The following RBFOX2 variants were observed in gnomAD, a reference collection of about 807,000 sequenced individuals.
The protein encoded by RBFOX2 is RNA binding protein fox-1 homolog 2.
A neutral mutation model predicts 49.1 loss-of-function variants in RBFOX2; 10 were observed. The ratio of observed to expected loss-of-function variants is 0.20; its 90% CI spans 0.13 to 0.35. The LOEUF is 0.35. Ranked by LOEUF, RBFOX2 falls within the 10% of genes least tolerant of loss-of-function variation. The pLI, the probability that RBFOX2 is intolerant of heterozygous loss-of-function variation, is 1.00. For synonymous variants in RBFOX2, 183 were observed against 187.4 expected, an observed-to-expected ratio of 0.98 and a Z score of 0.19; for missense variants, 323 against 486.9, an observed-to-expected ratio of 0.66 and a Z score of 3.17.
chr22:36,003,983 G>A (rs1030121675), intron 1 of RBFOX2, among the ~76,000 whole-genome samples: 63 of 152,116 alleles, frequency 4.1e-4, no homozygotes, highest in African/African-American at 1.5e-3. Context: ...GTGCACTTTA[G>A]GATGTTAAAG....
intron 1 of RBFOX2, among the ~76,000 whole-genome samples, chr22:35,906,213 G>C (rs1368117546): frequency 6.6e-6 from 1 of 152,136 alleles, no homozygotes; most frequent in Non-Finnish European, 1.5e-5. Context: ...AAGATCAAAG[G>C]AGGAATTATA....
intron 2 of RBFOX2, among the ~76,000 whole-genome samples, chr22:35,809,422 T>C (rs189106479): frequency 7.2e-5 from 11 of 152,158 alleles, no homozygotes; most frequent in Admixed American, 6.5e-4. Context: ...AGAATATTCC[T>C]AGGTTTTGCT....
chr22:35,752,175 G>A (rs1935196327), intron 9 of RBFOX2, among the ~76,000 whole-genome samples: 1 of 152,162 alleles, frequency 6.6e-6, no homozygotes, highest in African/African-American at 2.4e-5. Flanking sequence ...TCTCACTACA[G>A]GGCCCAATGT....
intron 2 of RBFOX2, among the ~76,000 whole-genome samples, chr22:35,787,432 C>A (rs1946646537): frequency 6.6e-6 from 1 of 152,108 alleles, no homozygotes; most frequent in Non-Finnish European, 1.5e-5. Flanking sequence ...GGGATGCTGA[C>A]ATTTAATTAG....
intron 1 of RBFOX2, among the ~76,000 whole-genome samples, chr22:35,976,615 C>T (rs906387858): frequency 1.3e-5 from 2 of 152,128 alleles, no homozygotes; most frequent in Middle Eastern, 3.4e-3. Context: ...AAATGTGTAT[C>T]GGAAAAAGGA....
rs567688413 is a variant in RBFOX2, at chr22:35,809,897, T to C, written c.135A>G (p.Pro45=). 210 of 1,614,026 alleles carry C rather than the reference T, an allele frequency of 1.3e-4. 2 individuals are homozygous for C. In the South Asian group the frequency reaches 2.2e-3, roughly 17 times the overall value. Residue 45 remains proline, a synonymous_variant, in exon 2 of 12, where the codon CCA becomes CCG. Coordinates refer to ENST00000405409, the Ensembl canonical transcript of RBFOX2. ...TCTGGCCGGCATAGTCTTGAGTGTGTGGCACCCCATACTCTGTGGGAATTC... is the reference window on the plus strand; with the variant it reads ...TCTGGCCGGCATAGTCTTGAGTGTGCGGCACCCCATACTCTGTGGGAATTC...
chr22:35,963,785 G>A (rs928690482), upstream of RBFOX2, among the ~76,000 whole-genome samples: 1 of 152,062 alleles, frequency 6.6e-6, no homozygotes. Flanking sequence ...TCACTCTGTC[G>A]CCCAGGCTGG....
intron 1 of RBFOX2, among the ~76,000 whole-genome samples, chr22:35,838,044 C>T (rs1247262036): frequency 6.6e-6 from 1 of 152,042 alleles, no homozygotes; most frequent in Non-Finnish European, 1.5e-5. Context: ...CATTCTTTCA[C>T]TAGTTTAAAA....
chr22:35,849,496 C>T (rs1208837382), intron 1 of RBFOX2, among the ~76,000 whole-genome samples: 1 of 152,118 alleles, frequency 6.6e-6, no homozygotes, highest in South Asian at 2.1e-4. Flanking sequence ...AGACAGAAAG[C>T]CTTGTAGGCA....
upstream of RBFOX2, among the ~76,000 whole-genome samples, chr22:35,943,208 G>A (rs142552489): frequency 5.9e-5 from 9 of 152,304 alleles, no homozygotes; most frequent in East Asian, 3.9e-4. Flanking sequence ...GATTTGCCTC[G>A]TCTGGTCAGA....
At chr22:35,811,510 T>TG (rs1951863046) in intron 1 of RBFOX2, among the ~76,000 whole-genome samples, 1 of 152,172 alleles carries the variant, frequency 6.6e-6, no homozygotes, top group South Asian at 2.1e-4. Flanking sequence ...GCTGACACCC[T>TG]GATCTTGCAC....
intron 9 of RBFOX2, among the ~76,000 whole-genome samples, 177 bp from the exon 11 acceptor site, chr22:35,756,321 G>T (rs1489895728): frequency 6.6e-6 from 1 of 152,148 alleles, no homozygotes; most frequent in Non-Finnish European, 1.5e-5. Flanking sequence ...GCACACGAAG[G>T]TTACACAGCT....
chr22:36,028,132 T>C (rs1409299965), intron 1 of RBFOX2, 108 bp downstream of exon 1: 6 of 1,292,130 alleles, frequency 4.6e-6, no homozygotes, highest in African/African-American at 1.6e-5. Flanking sequence ...CCATCCCACC[T>C]CCAACCCAGG....
At chr22:35,806,094 G>C (rs9610354) in intron 2 of RBFOX2, among the ~76,000 whole-genome samples, 1 of 151,942 alleles carries the variant, frequency 6.6e-6, no homozygotes, top group Admixed American at 6.6e-5. Flanking sequence ...CCCACAGAAC[G>C]TACACCAGTA....
At chr22:35,753,771 CTTTTTTTTT>C (rs869178693) in intron 9 of RBFOX2, among the ~76,000 whole-genome samples, 7 of 54,502 alleles carry the variant, frequency 1.3e-4, no homozygotes, top group African/African-American at 2.1e-4. Flanking sequence ...GTAGACAAGT[CTTTTTTTTT>C]TTTTTTTTTT....
intron 1 of RBFOX2, chr22:35,996,618 A>G (rs2058203565): frequency 6.6e-6 from 1 of 152,008 alleles, no homozygotes; most frequent in South Asian, 2.1e-4. Flanking sequence ...CTCAAAAAAA[A>G]AAAAAAGAAA....
At chr22:35,760,600 G>C (rs1239685998) in intron 8 of RBFOX2, among the ~76,000 whole-genome samples, 1 of 152,052 alleles carries the variant, frequency 6.6e-6, no homozygotes, top group Non-Finnish European at 1.5e-5. Flanking sequence ...GTAAGGTGAG[G>C]GAAACAACTC....
At position 35,788,601 on chromosome 22, in the gene RBFOX2, A is replaced by G. The variant is rs2147384763; in HGVS notation, c.253-6855T>C. Reference sequence around the variant, plus strand: ...GGTTGGAAAAAAAAATCCCTTCAGAATTTTGAAGATAACTCTCAATTGTCT... The same window carrying G: ...GGTTGGAAAAAAAAATCCCTTCAGAGTTTTGAAGATAACTCTCAATTGTCT... On this transcript the variant is annotated intron_variant, in intron 2 of 11. Transcript: ENST00000405409. 1.3e-5 allele frequency among the ~76,000 whole-genome samples: 2 copies of G among 152,336 alleles called. 1 individual carries two copies. The highest frequency in any genetic ancestry group is 3.9e-4 in the East Asian group (2 of 5,188).
At chr22:35,855,193 T>C (rs962406595) in intron 1 of RBFOX2, among the ~76,000 whole-genome samples, 3 of 152,154 alleles carry the variant, frequency 2.0e-5, no homozygotes, top group Non-Finnish European at 2.9e-5. Context: ...TACTCAAAAA[T>C]TCTAGAAATA....
Sources: gnomAD v4.1 joint callset for allele counts (sites outside exome capture counted in the v4.1 genomes callset) on GRCh38, gnomAD v4.1.1 for gene constraint, MANE v1.5 for transcripts, NCBI Gene and HGNC (gene_info 2026-07-23, HGNC 2026-07-21) for gene names.